The following RAI14 variants were observed in gnomAD, a reference collection of about 807,000 sequenced individuals.
The protein encoded by RAI14 is retinoic acid induced 14, also known as ankycorbin.
Under a neutral mutation model 115.4 loss-of-function variants are expected in RAI14, and 45 were observed. The ratio of observed to expected loss-of-function variants is 0.39; its 90% CI spans 0.31 to 0.50. RAI14 has a LOEUF of 0.50. Among genes scored for constraint, RAI14 ranks in the 20% least tolerant of loss-of-function variants. The pLI, the probability that RAI14 is intolerant of heterozygous loss-of-function variation, is 0.85. For missense variants in RAI14, 939 were observed against 1,131.2 expected (o/e 0.83, Z 2.44); for synonymous variants, 371 against 415.4 (o/e 0.89, Z 1.30).
At chr5:34,690,151 C>CAT (rs1334165060) in intron 2 of RAI14, among the ~76,000 whole-genome samples, 2 of 152,098 alleles carry the variant, frequency 1.3e-5, no homozygotes, top group African/African-American at 4.8e-5. Flanking sequence ...GTGTATCATG[C>CAT]ATATATATGT....
chr5:34,795,996 T>C lies in RAI14; in HGVS notation c.225T>C (p.His75=). The C allele has an allele frequency of 6.2e-7, 1 of 1,613,242 alleles. No individual in the cohort carries two copies. The highest frequency in any genetic ancestry group is 2.2e-5 in the East Asian group (1 of 44,862). The change falls in exon 4 of 18, where the codon CAT becomes CAC. Residue 75 remains histidine (H), a synonymous_variant. Transcript: ENST00000265109. ...HVECLRVMIT[H]GVDVTAQDTT... ...AATGCCTCAGGGTCATGATTACACATGGTGTGGATGTGACAGCCCAAGATA... is the reference window on the plus strand; with the variant it reads ...AATGCCTCAGGGTCATGATTACACACGGTGTGGATGTGACAGCCCAAGATA...
chr5:34,718,582 TC>T (rs1404254209), intron 2 of RAI14, among the ~76,000 whole-genome samples: 3 of 152,232 alleles, frequency 2.0e-5, no homozygotes, highest in Admixed American at 6.5e-5. Context: ...CTGAGGACCC[TC>T]CTCTGCCCTC....
Position 34,665,117 on chromosome 5 carries a change from G to GTATATATATATGTGTA in RAI14, c.-49+8649_-49+8650insATATGTGTATATATAT, listed in dbSNP as rs201869626. Among the ~76,000 whole-genome samples the GTATATATATATGTGTA allele has an allele frequency of 4.4e-3, 73 of 16,484 alleles. 6 individuals are homozygous for GTATATATATATGTGTA. The highest frequency in any genetic ancestry group is 8.2e-3 in the Non-Finnish European group (55 of 6,680). The allele number at this position is 16,484 out of a possible 152,430, so 10.8% of individuals were successfully genotyped here. A position where few individuals can be genotyped will look rare whatever the true frequency, so the allele number is the denominator to read the frequency against. Reference sequence around the variant, plus strand: ...TGTATATATATGTGTATATATATGTGTATATATGTATGTGTATATATATAC... The same window carrying GTATATATATATGTGTA: ...TGTATATATATGTGTATATATATGTGTATATATATATGTGTATATATATGTATGTGTATATATATAC... On this transcript the variant is annotated intron_variant, in intron 1 of 17. Transcript: ENST00000265109.
rs1304967864 is a variant in RAI14, at chr5:34,831,467, A to G, written c.*702A>G. 1 of 152,622 alleles carries G rather than the reference A, an allele frequency of 6.6e-6. No individual in the cohort carries two copies. Among genetic ancestry groups the G allele is most frequent in the Non-Finnish European group, 1.5e-5 (1 of 68,032 alleles). 9.5% of individuals were successfully genotyped at this position (152,622 alleles called of 1,614,324 possible). ...TGACATACTGCAAATTTTCTATGCA[A>G]ACTTGCCTCCTGCTGTTATCTGTGA... On this transcript the variant is annotated 3_prime_UTR_variant, in exon 18 of 18. Coordinates refer to ENST00000265109, the MANE Select transcript of RAI14 (RefSeq NM_015577.3).
At chr5:34,713,277 G>A (rs1334848906) in intron 2 of RAI14, among the ~76,000 whole-genome samples, 2 of 152,122 alleles carry the variant, frequency 1.3e-5, no homozygotes, top group African/African-American at 4.8e-5. Context: ...TGGTGAAGAG[G>A]TTCAAAGAAG....
At chr5:34,807,622 A>G (rs530220329) in intron 5 of RAI14, among the ~76,000 whole-genome samples, 178 bp from the exon 6 acceptor site, 234 of 152,246 alleles carry the variant, frequency 1.5e-3, no homozygotes, top group African/African-American at 5.6e-3. Flanking sequence ...GCCCATCCCA[A>G]AGACATGAGT....
chr5:34,690,953 G>A (rs1346663563), intron 2 of RAI14, among the ~76,000 whole-genome samples: 2 of 152,126 alleles, frequency 1.3e-5, no homozygotes, highest in Admixed American at 1.3e-4. Flanking sequence ...CAAAATACAA[G>A]CAGTATAGAA....
chr5:34,818,292 G>A (rs1756478994), intron 12 of RAI14, among the ~76,000 whole-genome samples: 1 of 152,116 alleles, frequency 6.6e-6, no homozygotes, highest in African/African-American at 2.4e-5. Context: ...GAGACCATAT[G>A]ATATTTATTA....
At chr5:34,680,153 A>G (rs1744282986) in intron 1 of RAI14, among the ~76,000 whole-genome samples, 1 of 152,214 alleles carries the variant, frequency 6.6e-6, no homozygotes, top group South Asian at 2.1e-4. Context: ...CCAGGGTCCA[A>G]AGGAGTCAGA....
intron 13 of RAI14, among the ~76,000 whole-genome samples, chr5:34,819,601 T>A (rs1203598001): frequency 1.3e-5 from 2 of 152,216 alleles, no homozygotes; most frequent in Admixed American, 6.5e-5. Context: ...CCTAAGAATT[T>A]ACCCTTTAAG....
chr5:34,745,719 A>G (rs532062246), intron 2 of RAI14, among the ~76,000 whole-genome samples: 4 of 152,220 alleles, frequency 2.6e-5, no homozygotes, highest in Middle Eastern at 3.4e-3. Flanking sequence ...TTCTCTATGG[A>G]GTTACAAATG....
intron 2 of RAI14, among the ~76,000 whole-genome samples, chr5:34,732,049 C>T (rs376148756): frequency 1.3e-5 from 2 of 152,170 alleles, no homozygotes; most frequent in African/African-American, 4.8e-5. Flanking sequence ...ACCACAGGCC[C>T]TGGAAATGGG....
intron 15 of RAI14, among the ~76,000 whole-genome samples, chr5:34,825,664 C>T (rs2150307739): frequency 6.6e-6 from 1 of 151,774 alleles, no homozygotes; most frequent in South Asian, 2.1e-4. Context: ...GCTGGCCGTG[C>T]TGCTGGAGGA....
chr5:34,756,920 G>A (rs1429625400), intron 2 of RAI14, among the ~76,000 whole-genome samples: 1 of 152,214 alleles, frequency 6.6e-6, no homozygotes, highest in African/African-American at 2.4e-5. Context: ...GTGAGACTTT[G>A]TTGAGTCGGT....
chr5:34,742,753 G>A (rs1432294250), intron 2 of RAI14, among the ~76,000 whole-genome samples: 1 of 151,864 alleles, frequency 6.6e-6, no homozygotes, highest in South Asian at 2.1e-4. Context: ...AACCTCTGCC[G>A]TCCCAGTTCA....
At chr5:34,830,039 G>A (rs1005208984) in intron 17 of RAI14, among the ~76,000 whole-genome samples, 3 of 152,128 alleles carry the variant, frequency 2.0e-5, no homozygotes, top group Admixed American at 1.3e-4. Flanking sequence ...AGGCTGGAGT[G>A]TAATGGCATA....
chr5:34,690,526 A>G (rs1380977951), intron 2 of RAI14, among the ~76,000 whole-genome samples: 3 of 152,236 alleles, frequency 2.0e-5, no homozygotes, highest in Non-Finnish European at 4.4e-5. Flanking sequence ...GGGGCCTCCT[A>G]TGGATGGCCT....
intron 3 of RAI14, among the ~76,000 whole-genome samples, chr5:34,785,919 C>T (rs1313193150): frequency 6.6e-6 from 1 of 152,112 alleles, no homozygotes; most frequent in Non-Finnish European, 1.5e-5. Flanking sequence ...GTATTTGTAC[C>T]CCTTTTAAAT....
intron 14 of RAI14, among the ~76,000 whole-genome samples, chr5:34,822,744 C>T (rs1757015179): frequency 7.9e-6 from 1 of 126,412 alleles, no homozygotes; most frequent in South Asian, 2.7e-4. Flanking sequence ...AGTGCAGTGG[C>T]GCGATCTCGG....
Sources: gnomAD v4.1 joint callset for allele counts (sites outside exome capture counted in the v4.1 genomes callset) on GRCh38, gnomAD v4.1.1 for gene constraint, MANE v1.5 for transcripts, NCBI Gene and HGNC (gene_info 2026-07-23, HGNC 2026-07-21) for gene names.